The following RAC1 variants were observed in gnomAD, a reference collection of about 807,000 sequenced individuals.
The protein encoded by RAC1 is Rac family small GTPase 1.
RAC1 carries 2 observed loss-of-function variants against 25.2 expected under a neutral mutation model. The ratio of observed to expected loss-of-function variants is 0.08; its 90% confidence interval spans 0.03 to 0.25. RAC1 has a LOEUF of 0.25. Ranked by LOEUF, RAC1 falls within the 10% of genes least tolerant of loss-of-function variation. The pLI, the probability that RAC1 is intolerant of heterozygous loss-of-function variation, is 1.00. For missense variants in RAC1, 50 were observed against 235.7 expected (o/e 0.21, Z 5.16); for synonymous variants, 88 against 94.0 (o/e 0.94, Z 0.37).
intron 2 of RAC1, among the ~76,000 whole-genome samples, chr7:6,389,208 A>G (rs1425854506): frequency 6.6e-6 from 1 of 151,186 alleles, no homozygotes; most frequent in Non-Finnish European, 1.5e-5. Flanking sequence ...TCTCCCAAAA[A>G]AAAAAAAAAA....
At chr7:6,400,237 A>G (rs1437009485) in intron 4 of RAC1, 49 bp downstream of exon 4, 1 of 1,480,172 alleles carries the variant, frequency 6.8e-7, no homozygotes, top group African/African-American at 1.4e-5. Flanking sequence ...TGATCCTCTC[A>G]GAAATAAATA....
rs1007387727 is a variant in RAC1, at chr7:6,403,628, A to G, written c.*1182A>G. ...AAATATTTTAGATAATTCTTAAACT[A>G]TGAACCTTCTTAACATCACTGTCTT... On this transcript the variant is annotated 3_prime_UTR_variant, in exon 6 of 6. Coordinates refer to ENST00000348035, the MANE Select transcript of RAC1 (RefSeq NM_006908.5). 10 of 212,342 alleles carry G rather than the reference A, an allele frequency of 4.7e-5. No homozygotes were observed. The highest frequency in any genetic ancestry group is 2.3e-4 in the African/African-American group (10 of 44,304). The allele number at this position is 212,342 out of a possible 1,614,324, so 13.2% of individuals were successfully genotyped here.
At position 6,377,110 on chromosome 7, in the gene RAC1, A is replaced by G. The variant is rs190164670; in HGVS notation, c.35+2340A>G. On this transcript the variant is annotated intron_variant, in intron 1 of 5. Coordinates refer to ENST00000348035, the MANE Select transcript of RAC1 (RefSeq NM_006908.5). ...GGTGCCCCTTGCTGAATGCTTAGTAAATGCCAGGTACTGTTATTGCGGTTT... is the reference window on the plus strand; with the variant it reads ...GGTGCCCCTTGCTGAATGCTTAGTAGATGCCAGGTACTGTTATTGCGGTTT... Among the ~76,000 whole-genome samples the G allele has an allele frequency of 1.3e-4, 20 of 152,080 alleles. No individual in the cohort carries two copies. The East Asian group carries it at 3.7e-3, about 28-fold the overall frequency.
intron 2 of RAC1, among the ~76,000 whole-genome samples, chr7:6,389,990 C>G (rs34638150): frequency 0.039 from 4,934 of 127,800 alleles, 137 homozygotes; most frequent in South Asian, 0.11. Flanking sequence ...CTCCCTCCTC[C>G]TCTCCCTCCC....
At position 6,403,163 on chromosome 7, in the gene RAC1, G is replaced by A. The variant is rs1562472058; in HGVS notation, c.*717G>A. ...TGTGTGTGATCAAAGGACAAAGACAGTATTTTGACAAAATACGAAGTGGAG... is the reference window on the plus strand; with the variant it reads ...TGTGTGTGATCAAAGGACAAAGACAATATTTTGACAAAATACGAAGTGGAG... On this transcript the variant is annotated 3_prime_UTR_variant, in exon 6 of 6. Transcript: ENST00000348035. The A allele has an allele frequency of 4.6e-6, 1 of 219,610 alleles. No individual in the cohort carries two copies. Among genetic ancestry groups the A allele is most frequent in the East Asian group, 6.7e-5 (1 of 14,900 alleles). 13.6% of individuals were successfully genotyped at this position (219,610 alleles called of 1,614,324 possible).
intron 1 of RAC1, among the ~76,000 whole-genome samples, chr7:6,375,101 T>G (rs34106847): frequency 0.19 from 29,267 of 151,942 alleles, 3,153 homozygotes; most frequent in Non-Finnish European, 0.24. Flanking sequence ...TCTTGGAGAT[T>G]TTGACCATTT....
chr7:6,381,696 A>G (rs2115186500), intron 1 of RAC1, among the ~76,000 whole-genome samples: 1 of 152,214 alleles, frequency 6.6e-6, no homozygotes, highest in Non-Finnish European at 1.5e-5. Flanking sequence ...TGCCTGGCTT[A>G]TGGCTAGCTT....
chr7:6,395,096 C>G (rs979718883), intron 3 of RAC1, among the ~76,000 whole-genome samples: 1 of 152,100 alleles, frequency 6.6e-6, no homozygotes, highest in African/African-American at 2.4e-5. Context: ...GCTTGTGATC[C>G]GCCCGCCTTG....
intron 2 of RAC1, among the ~76,000 whole-genome samples, chr7:6,389,167 A>T (rs11763354): frequency 0.17 from 25,453 of 151,078 alleles, 2,506 homozygotes; most frequent in East Asian, 0.23. Flanking sequence ...GTGCCACTGC[A>T]CTTCAGCCTG....
In RAC1 at chr7:6,402,526, A is replaced by AAAAAAAAAAAAAC. The variant is rs1562471619; in HGVS notation, c.*91_*92insACAAAAAAAAAAA. 1.1e-5 allele frequency: 8 copies of AAAAAAAAAAAAAC among 703,930 alleles called. 1 individual carries two copies. Among genetic ancestry groups the AAAAAAAAAAAAAC allele is most frequent in the African/African-American group, 4.5e-5 (2 of 44,298 alleles). The allele number at this position is 703,930 out of a possible 1,614,324, so 43.6% of individuals were successfully genotyped here. ...TCAAAAAAAAACAAAAAAAAAAAAC[A>AAAAAAAAAAAAAC]AAAAAAAAAAACAACGGTGGAGCCT... On this transcript the variant is annotated 3_prime_UTR_variant, in exon 6 of 6. Transcript: ENST00000348035.
At chr7:6,392,122 A>G in intron 3 of RAC1, 81 bp downstream of exon 3, 1 of 1,593,574 alleles carries the variant, frequency 6.3e-7, no homozygotes, top group Non-Finnish European at 8.6e-7. Flanking sequence ...TTACCTATGG[A>G]CTTGCTTATA....
intron 1 of RAC1, among the ~76,000 whole-genome samples, chr7:6,380,544 C>T (rs1213158020): frequency 3.9e-5 from 6 of 152,160 alleles, no homozygotes; most frequent in Non-Finnish European, 7.3e-5. Context: ...GTACTGCCTA[C>T]TTTTTCACAT....
At chr7:6,398,784 C>G (rs1266893177) in intron 3 of RAC1, 3 of 1,487,670 alleles carry the variant, frequency 2.0e-6, no homozygotes, top group Non-Finnish European at 2.8e-6. Context: ...ACTTCGTTTT[C>G]CTAGGATTTT....
At chr7:6,382,088 G>T (rs1782782094) in intron 1 of RAC1, among the ~76,000 whole-genome samples, 1 of 152,012 alleles carries the variant, frequency 6.6e-6, no homozygotes, top group Non-Finnish European at 1.5e-5. Context: ...CTACCCCGTG[G>T]CCTCAAGCGA....
intron 2 of RAC1, among the ~76,000 whole-genome samples, chr7:6,389,429 C>T (rs1440942069): frequency 6.6e-6 from 1 of 151,540 alleles, no homozygotes; most frequent in East Asian, 1.9e-4. Context: ...GCCTGTAATC[C>T]CAGCACTTGG....
chr7:6,401,621 G>GAGCC, intron 4 of RAC1: 1 of 304,002 alleles, frequency 3.3e-6, no homozygotes, highest in Middle Eastern at 7.5e-4. Flanking sequence ...TGCGGTTGTA[G>GAGCC]AGCCCGTTCT....
chr7:6,375,881 C>G (rs1310539615), intron 1 of RAC1: 1 of 151,928 alleles, frequency 6.6e-6, no homozygotes, highest in African/African-American at 2.4e-5. Flanking sequence ...CAGTGTAACC[C>G]GAGCAAAATC....
At chr7:6,382,627 G>C (rs948126319) in intron 1 of RAC1, among the ~76,000 whole-genome samples, 9 of 152,218 alleles carry the variant, frequency 5.9e-5, no homozygotes, top group African/African-American at 1.9e-4. Context: ...ACTTTGGGAG[G>C]CCGATGGGGT....
chr7:6,385,129 G>A (rs1036359083), intron 1 of RAC1, among the ~76,000 whole-genome samples: 1 of 152,062 alleles, frequency 6.6e-6, no homozygotes. Context: ...TTCAGCTCTA[G>A]AAATGTTAGC....
Sources: allele counts gnomAD v4.1 joint callset (sites outside exome capture counted in the v4.1 genomes callset), GRCh38; gene constraint gnomAD v4.1.1; transcripts MANE v1.5; gene names NCBI Gene and HGNC (gene_info 2026-07-23, HGNC 2026-07-21).